Variants in KLRG2 observed in about 807,000 individuals in gnomAD.
KLRG2 encodes killer cell lectin-like receptor subfamily G member 2.
Under a neutral mutation model 35.4 loss-of-function variants are expected in KLRG2, and 39 were observed. The observed-to-expected ratio is 1.10, with a 90% CI of 0.85 to 1.44. The LOEUF is 1.44. Ranked by LOEUF, KLRG2 falls within the 40% of genes most tolerant of loss-of-function variation. The pLI, the probability that KLRG2 is intolerant of heterozygous loss-of-function variation, is 0.00. For synonymous variants in KLRG2, 283 were observed against 265.8 expected (o/e 1.06, Z -0.63); for missense variants, 632 against 570.9 (o/e 1.11, Z -1.09).
At chr7:139,430,043 A>G in the KLRG2 span, among the ~76,000 whole-genome samples, 4 of 152,180 alleles carry the variant, frequency 2.6e-5, no homozygotes, top group South Asian at 8.3e-4. Context: ...AGAATCACAA[A>G]ATAAAATATT....
the KLRG2 span, among the ~76,000 whole-genome samples, chr7:139,440,017 G>A: frequency 1.3e-5 from 2 of 152,124 alleles, no homozygotes; most frequent in African/African-American, 4.8e-5. Context: ...CCTCTCTCCT[G>A]GCTACTGGTA....
At chr7:139,455,097 C>CA (rs1480102543) in intron 3 of KLRG2, among the ~76,000 whole-genome samples, 4 of 151,026 alleles carry the variant, frequency 2.6e-5, no homozygotes, top group African/African-American at 9.8e-5. Context: ...TGGCTCACTG[C>CA]AGCCTCCGCC....
Position 139,460,578 on chromosome 7 carries a change from G to A in KLRG2, c.1006-6364C>T, listed in dbSNP as rs186367359. Among the ~76,000 whole-genome samples the A allele has an allele frequency of 7.3e-3, 1,107 of 152,076 alleles. 54 individuals carry two copies. Among genetic ancestry groups the A allele is most frequent in the Admixed American group, 0.066 (1,007 of 15,260 alleles). On this transcript the variant is annotated intron_variant, in intron 3 of 4. Coordinates refer to ENST00000340940, the MANE Select transcript of KLRG2 (RefSeq NM_198508.4). Reference sequence around the variant, plus strand: ...CTCAGGAGGCTGAGATGGGAGGATTGCTTGAGCCTGGGAGGTGGAGGCTGC... The same window carrying A: ...CTCAGGAGGCTGAGATGGGAGGATTACTTGAGCCTGGGAGGTGGAGGCTGC...
Position 139,479,110 on chromosome 7 carries a change from C to G in KLRG2, c.1005+517G>C, listed in dbSNP as rs188645222. On this transcript the variant is annotated intron_variant, in intron 3 of 4. Coordinates refer to ENST00000340940, the MANE Select transcript of KLRG2 (RefSeq NM_198508.4). The stretch of plus-strand genomic sequence containing the variant: ...TTTATTTATTTATTTTGAGACGGAG[C>G]CTTGCTCTGTTGCCCAGGCTGGAGT... Among the ~76,000 whole-genome samples the G allele has an allele frequency of 3.4e-3, 516 of 152,024 alleles. 2 individuals are homozygous for G. Among genetic ancestry groups the G allele is most frequent in the Non-Finnish European group, 5.1e-3 (344 of 67,966 alleles).
intron 3 of KLRG2, among the ~76,000 whole-genome samples, chr7:139,479,011 A>C (rs1796906155): frequency 6.6e-6 from 1 of 152,158 alleles, no homozygotes; most frequent in African/African-American, 2.4e-5. Context: ...GGATCACTTG[A>C]GGCCAGAAGT....
At chr7:139,451,658 G>A (rs748189535), downstream of KLRG2, among the ~76,000 whole-genome samples, 1 of 152,132 alleles carries the variant, frequency 6.6e-6, no homozygotes, top group African/African-American at 2.4e-5. Context: ...ACTGCGTGCT[G>A]GGATGGAAAG....
chr7:139,445,781 G>GTGTATATATATATATATATATATA, the KLRG2 span, among the ~76,000 whole-genome samples: 8 of 98,476 alleles, frequency 8.1e-5, no homozygotes, highest in African/African-American at 2.3e-4. Context: ...ATATATATAT[G>GTGTATATATATATATATATATATA]TATATATATA....
chr7:139,432,077 C>T, the KLRG2 span, among the ~76,000 whole-genome samples: 24 of 151,912 alleles, frequency 1.6e-4, no homozygotes, highest in African/African-American at 4.6e-4. Context: ...CAGTCCTGAC[C>T]AGGCACGGTG....
At chr7:139,442,568 C>T in the KLRG2 span, among the ~76,000 whole-genome samples, 2 of 151,858 alleles carry the variant, frequency 1.3e-5, no homozygotes, top group Non-Finnish European at 2.9e-5. Flanking sequence ...AAAACTTAGC[C>T]GGGTGGGTGG....
chr7:139,481,875 C>T (rs1012875310), intron 1 of KLRG2, among the ~76,000 whole-genome samples: 9 of 151,480 alleles, frequency 5.9e-5, no homozygotes, highest in Admixed American at 5.9e-4. Context: ...TGCAGTGAGC[C>T]GAGATTGTGC....
chr7:139,439,271 T>A, the KLRG2 span, among the ~76,000 whole-genome samples: 1 of 152,312 alleles, frequency 6.6e-6, no homozygotes, highest in Non-Finnish European at 1.5e-5. Flanking sequence ...GCAATGCACA[T>A]GCTGTGTGAC....
intron 3 of KLRG2, among the ~76,000 whole-genome samples, chr7:139,462,544 T>G (rs1569411910): frequency 6.6e-6 from 1 of 152,204 alleles, no homozygotes; most frequent in Non-Finnish European, 1.5e-5. Flanking sequence ...TCCTTTAGCC[T>G]GTGTTCTCAA....
Position 139,480,439 on chromosome 7 carries a change from C to CTTTT in KLRG2, c.758-196_758-193dup, listed in dbSNP as rs892455272. 3.1e-3 allele frequency among the ~76,000 whole-genome samples: 261 copies of CTTTT among 85,214 alleles called. 6 individuals carry two copies. Among genetic ancestry groups the CTTTT allele is most frequent in the African/African-American group, 0.011 (217 of 18,972 alleles). 55.9% of individuals were successfully genotyped at this position (85,214 alleles called of 152,430 possible). ...ATTCTGGAGAAAGAAGCCAGATATTCTTTTTTTTTTTTTTTTTTTTTTTGG... is the reference window on the plus strand; with the variant it reads ...ATTCTGGAGAAAGAAGCCAGATATTCTTTTTTTTTTTTTTTTTTTTTTTTTTTGG... On this transcript the variant is annotated intron_variant, in intron 1 of 4. Transcript: ENST00000340940.
chr7:139,472,531 G>A (rs1026382701), intron 3 of KLRG2, among the ~76,000 whole-genome samples: 3 of 151,614 alleles, frequency 2.0e-5, no homozygotes, highest in African/African-American at 7.3e-5. Flanking sequence ...GATCACTTGA[G>A]CCCAGGAGTT....
chr7:139,429,301 G>T, the KLRG2 span, among the ~76,000 whole-genome samples: 3 of 152,026 alleles, frequency 2.0e-5, no homozygotes, highest in African/African-American at 7.3e-5. Context: ...GCAAGACCCT[G>T]TCTCAAAAAA....
At chr7:139,467,112 A>G (rs1256408625) in intron 3 of KLRG2, among the ~76,000 whole-genome samples, 1 of 151,916 alleles carries the variant, frequency 6.6e-6, no homozygotes, top group Non-Finnish European at 1.5e-5. Context: ...TTACCACAAA[A>G]TCTTCCTTCA....
chr7:139,478,285 G>C (rs1796889407), intron 3 of KLRG2, among the ~76,000 whole-genome samples: 1 of 151,122 alleles, frequency 6.6e-6, no homozygotes, highest in South Asian at 2.1e-4. Flanking sequence ...AGGATTGCTT[G>C]AGCCTGGGAG....
the KLRG2 span, among the ~76,000 whole-genome samples, chr7:139,445,798 T>TATATATATATATATAC: frequency 3.2e-5 from 4 of 126,046 alleles, no homozygotes; most frequent in African/African-American, 1.9e-4. Context: ...TATATGTGTG[T>TATATATATATATATAC]ATATATATAT....
chr7:139,453,331 C>T lies in KLRG2; in HGVS notation c.*256G>A. ...AAATGCTAAACAACCATCCCAATGT[C>T]ATCAAACCGATCATCCACAGAAGCT... On this transcript the variant is annotated 3_prime_UTR_variant, in exon 5 of 5. Coordinates refer to ENST00000340940, the MANE Select transcript of KLRG2 (RefSeq NM_198508.4). 1 of 532,522 alleles carries T rather than the reference C, an allele frequency of 1.9e-6. No individual in the cohort carries two copies. The highest frequency in any genetic ancestry group is 3.3e-6 in the Non-Finnish European group (1 of 306,078). The allele number at this position is 532,522 out of a possible 1,614,324, so 33.0% of individuals were successfully genotyped here.
Sources: gnomAD v4.1 joint callset for allele counts (sites outside exome capture counted in the v4.1 genomes callset) on GRCh38, gnomAD v4.1.1 for gene constraint, MANE v1.5 for transcripts, NCBI Gene and HGNC (gene_info 2026-07-23, HGNC 2026-07-21) for gene names.